VWA2: variants seen among roughly 807,000 people sequenced by gnomAD.
VWA2 encodes von Willebrand factor A domain-containing protein 2.
In VWA2, 73 loss-of-function variants were observed where a neutral mutation model predicts 70.4. The ratio of observed to expected loss-of-function variants is 1.04; its 90% confidence interval spans 0.86 to 1.26. The LOEUF (loss-of-function observed/expected upper bound fraction) is 1.26. VWA2 is among the 50% of genes most tolerant of loss of function. The pLI, the probability that VWA2 is intolerant of heterozygous loss-of-function variation, is 0.00. For missense variants in VWA2, 1,011 were observed against 998.5 expected (o/e 1.01, Z -0.17); for synonymous variants, 407 against 423.3 (o/e 0.96, Z 0.47).
chr10:114,276,365 A>T (rs1458046561), intron 6 of VWA2, among the ~76,000 whole-genome samples: 1 of 152,242 alleles, frequency 6.6e-6, no homozygotes, highest in African/African-American at 2.4e-5. Context: ...TCAGAAACTC[A>T]GAGTCAGAGA....
rs145709571 is a variant in VWA2 at position 114,288,172 on chromosome 10, C to T, written c.1571-766C>T. 2.7e-3 allele frequency among the ~76,000 whole-genome samples: 416 copies of T among 152,352 alleles called. 3 individuals are homozygous for T. Among genetic ancestry groups the T allele is most frequent in the African/African-American group, 9.3e-3 (385 of 41,576 alleles). Reference sequence around the variant, plus strand: ...CCCCTGCACAGGAGAGGCCTTCTGGCTCATACTTACTTGTCTTTCAGTTCT... The same window carrying T: ...CCCCTGCACAGGAGAGGCCTTCTGGTTCATACTTACTTGTCTTTCAGTTCT... On this transcript the variant is annotated intron_variant, in intron 11 of 13. Transcript: ENST00000392982.
intron 5 of VWA2, among the ~76,000 whole-genome samples, chr10:114,268,969 T>G (rs577738795): frequency 6.6e-6 from 1 of 151,856 alleles, no homozygotes; most frequent in Non-Finnish European, 1.5e-5. Context: ...TGCTGGGCCT[T>G]CCAAAGTGCT....
intron 4 of VWA2, among the ~76,000 whole-genome samples, chr10:114,255,783 A>G (rs1176527939): frequency 6.7e-6 from 1 of 148,348 alleles, no homozygotes; most frequent in Non-Finnish European, 1.5e-5. Context: ...TTTTTTTTTT[A>G]ACAATCCAAT....
At chr10:114,258,108 G>T (rs2037368702) in intron 4 of VWA2, among the ~76,000 whole-genome samples, 1 of 152,192 alleles carries the variant, frequency 6.6e-6, no homozygotes, top group Non-Finnish European at 1.5e-5. Flanking sequence ...AGGTCAGGTG[G>T]ACCCCTTGGC....
chr10:114,254,303 C>T (rs2133305816), intron 3 of VWA2, among the ~76,000 whole-genome samples: 1 of 152,142 alleles, frequency 6.6e-6, no homozygotes, highest in African/African-American at 2.4e-5. Flanking sequence ...AACTCCTGAA[C>T]TCAAGCAATC....
At chr10:114,271,755 T>G (rs2037715982) in intron 5 of VWA2, among the ~76,000 whole-genome samples, 1 of 152,242 alleles carries the variant, frequency 6.6e-6, no homozygotes, top group African/African-American at 2.4e-5. Flanking sequence ...TGGTACAATC[T>G]GAGTGTAAAT....
At chr10:114,260,003 C>G (rs1324057095) in intron 4 of VWA2, among the ~76,000 whole-genome samples, 1 of 152,160 alleles carries the variant, frequency 6.6e-6, no homozygotes, top group Non-Finnish European at 1.5e-5. Flanking sequence ...CCACGCCTGT[C>G]GAGGGAACGG....
chr10:114,262,479 C>T (rs533623662), intron 5 of VWA2, among the ~76,000 whole-genome samples: 1 of 152,218 alleles, frequency 6.6e-6, no homozygotes, highest in East Asian at 1.9e-4. Flanking sequence ...TCTGTGGATC[C>T]ACTCTGGGCT....
rs1020745426 is a variant in VWA2, at chr10:114,284,897, C to T, written c.924C>T (p.Gly308=). Residue 308 remains glycine, a synonymous_variant, in exon 10 of 14, where the codon GGC becomes GGT. Coordinates refer to ENST00000392982, the MANE Select transcript of VWA2 (RefSeq NM_001272046.2). ...PCDSQPCQNG[G]TCVPEGLDGY... ...ACTCGCAGCCCTGCCAGAATGGAGG[C>T]ACATGTGTTCCAGAAGGACTGGACG... 1.2e-6 allele frequency: 2 copies of T among 1,606,980 alleles called. No homozygotes were observed. The highest frequency in any genetic ancestry group is 1.7e-5 in the Admixed American group (1 of 58,452).
chr10:114,271,743 G>T (rs188427066), intron 5 of VWA2, among the ~76,000 whole-genome samples: 36 of 152,252 alleles, frequency 2.4e-4, no homozygotes, highest in African/African-American at 7.5e-4. Flanking sequence ...TTAATTTATG[G>T]TTGGTACAAT....
intron 7 of VWA2, 65 bp downstream of exon 7, chr10:114,278,112 A>C: frequency 6.4e-7 from 1 of 1,569,230 alleles, no homozygotes; most frequent in Non-Finnish European, 8.7e-7. Context: ...TCCCTGAGGC[A>C]AGAGGTCAGG....
chr10:114,265,592 C>T (rs190907664), intron 5 of VWA2, among the ~76,000 whole-genome samples: 1 of 152,326 alleles, frequency 6.6e-6, no homozygotes, highest in East Asian at 1.9e-4. Context: ...CCTTTCCCAC[C>T]TCTCACCACG....
At position 114,285,931 on chromosome 10, in the gene VWA2, C is replaced by A; in HGVS notation, c.998-8C>A. 2 of 1,575,290 alleles carry A rather than the reference C, an allele frequency of 1.3e-6. No homozygotes were observed. The highest frequency in any genetic ancestry group is 1.7e-6 in the Non-Finnish European group (2 of 1,156,470). On this transcript the variant is annotated splice_region_variant and splice_polypyrimidine_tract_variant and intron_variant, in intron 10 of 13. Transcript: ENST00000392982. ...GCTTGACAGTGGGTGTTGCTGTGAT[C>A]CCCGCAGCCCTGAAGCTGAGCCTGG...
chr10:114,251,984 T>C (rs2037206695), intron 2 of VWA2, among the ~76,000 whole-genome samples: 1 of 152,040 alleles, frequency 6.6e-6, no homozygotes, highest in African/African-American at 2.4e-5. Flanking sequence ...TTTTTGTGTT[T>C]TTAGTAGAGA....
Position 114,286,253 on chromosome 10 carries a change from A to C in VWA2, c.1312A>C (p.Thr438Pro). 1 of 1,612,792 alleles carries C rather than the reference A, an allele frequency of 6.2e-7. No individual in the cohort carries two copies. Among genetic ancestry groups the C allele is most frequent in the Non-Finnish European group, 8.5e-7 (1 of 1,179,458 alleles). Residue 438 changes from threonine (T) to proline (P), a missense_variant, in exon 11 of 14, where the codon ACC (threonine) becomes CCC (proline). Physicochemically the swap from Thr to Pro is conservative, Grantham distance 38. Transcript: ENST00000392982. ...GGCAGAGCGTGGCTTCGGGAGCGCCACCAGGACAGGCCAGGACCGGCCACG... is the reference window on the plus strand; with the variant it reads ...GGCAGAGCGTGGCTTCGGGAGCGCCCCCAGGACAGGCCAGGACCGGCCACG... Reference protein sequence around the residue: ...QAAERGFGSATRTGQDRPRRV... With the variant: ...QAAERGFGSAPRTGQDRPRRV...
At position 114,268,947 on chromosome 10, in the gene VWA2, G is replaced by T. The variant is rs1053416794; in HGVS notation, c.372-3793G>T. The stretch of plus-strand genomic sequence containing the variant: ...CTTGACCTTGTGAAACGCCCGCCTC[G>T]GCCTTCCAAAGTGCTGGGCCTTCCA... On this transcript the variant is annotated intron_variant, in intron 5 of 13. Transcript: ENST00000392982. 2.0e-5 allele frequency among the ~76,000 whole-genome samples: 3 copies of T among 151,418 alleles called. 1 individual carries two copies. In the South Asian group the frequency reaches 6.3e-4, roughly 32 times the overall value.
chr10:114,271,624 C>T, intron 5 of VWA2, among the ~76,000 whole-genome samples: 1 of 152,002 alleles, frequency 6.6e-6, no homozygotes, highest in Non-Finnish European at 1.5e-5. Context: ...CACACACACA[C>T]ACACACACAC....
At chr10:114,265,954 C>A (rs2133342487) in intron 5 of VWA2, among the ~76,000 whole-genome samples, 1 of 152,222 alleles carries the variant, frequency 6.6e-6, no homozygotes, top group East Asian at 1.9e-4. Context: ...GGAGTGATGA[C>A]CTCCCCGGAG....
At chr10:114,250,651 A>G (rs941195827) in intron 2 of VWA2, among the ~76,000 whole-genome samples, 1 of 152,216 alleles carries the variant, frequency 6.6e-6, no homozygotes, top group Non-Finnish European at 1.5e-5. Context: ...TGCTGGTGGA[A>G]GTTGAGGGCT....
Sources: gnomAD v4.1 joint callset for allele counts (sites outside exome capture counted in the v4.1 genomes callset) on GRCh38, gnomAD v4.1.1 for gene constraint, MANE v1.5 for transcripts, NCBI Gene and HGNC (gene_info 2026-07-23, HGNC 2026-07-21) for gene names.